HS3ST3A1: variants seen among roughly 807,000 people sequenced by gnomAD.
HS3ST3A1 encodes heparan sulfate glucosamine 3-O-sulfotransferase 3A1.
In HS3ST3A1, 19 loss-of-function variants were observed where a neutral mutation model predicts 25.7. The observed-to-expected ratio is 0.74, with a 90% CI of 0.52 to 1.08. The LOEUF is 1.08. Ranked by LOEUF, HS3ST3A1 falls within the 50% of genes least tolerant of loss-of-function variation. HS3ST3A1 has a pLI of 0.00. For synonymous variants in HS3ST3A1, 226 were observed against 278.6 expected (o/e 0.81, Z 1.88); for missense variants, 459 against 594.3 (o/e 0.77, Z 2.37).
At chr17:13,517,432 G>A (rs1406016779) in intron 1 of HS3ST3A1, among the ~76,000 whole-genome samples, 2 of 152,064 alleles carry the variant, frequency 1.3e-5, no homozygotes, top group Non-Finnish European at 2.9e-5. Flanking sequence ...TTACTATAAG[G>A]GAATGTTTAT....
intron 1 of HS3ST3A1, among the ~76,000 whole-genome samples, chr17:13,550,578 A>G (rs1350261285): frequency 6.6e-6 from 1 of 152,158 alleles, no homozygotes; most frequent in Non-Finnish European, 1.5e-5. Context: ...CTGCATTGTC[A>G]GTTTTATGAG....
In HS3ST3A1 at chr17:13,512,760, TA is replaced by T. The variant is rs202215813; in HGVS notation, c.600-15943del. ...TTAGTATTTTGTTGAAATTAAGGGA[TA>T]AAAAAATAAATTGTACTGCGTAAGT... On this transcript the variant is annotated intron_variant, in intron 1 of 1. Transcript: ENST00000284110. Among the ~76,000 whole-genome samples the T allele has an allele frequency of 4.2e-3, 636 of 152,152 alleles. 6 individuals carry two copies. Among genetic ancestry groups the T allele is most frequent in the African/African-American group, 0.015 (608 of 41,482 alleles).
chr17:13,538,979 A>T (rs1906848826), intron 1 of HS3ST3A1, among the ~76,000 whole-genome samples: 1 of 152,332 alleles, frequency 6.6e-6, no homozygotes, highest in African/African-American at 2.4e-5. Flanking sequence ...CATCTGCTCC[A>T]TGTGATATCA....
chr17:13,502,187 G>A (rs941494882), intron 1 of HS3ST3A1, among the ~76,000 whole-genome samples: 2 of 152,060 alleles, frequency 1.3e-5, no homozygotes, highest in Non-Finnish European at 2.9e-5. Context: ...GAAGTGTTAT[G>A]GTCAAGCAGG....
At chr17:13,543,977 G>A (rs1330103656) in intron 1 of HS3ST3A1, among the ~76,000 whole-genome samples, 2 of 152,062 alleles carry the variant, frequency 1.3e-5, no homozygotes, top group Non-Finnish European at 2.9e-5. Flanking sequence ...CTTCATCTCA[G>A]TTTCCAAAAA....
intron 1 of HS3ST3A1, among the ~76,000 whole-genome samples, chr17:13,539,418 C>T (rs1406200020): frequency 6.6e-6 from 1 of 152,196 alleles, no homozygotes; most frequent in Non-Finnish European, 1.5e-5. Flanking sequence ...TTTTTCTCAA[C>T]CCTAGCGTGG....
chr17:13,529,488 A>T (rs538175978), intron 1 of HS3ST3A1, among the ~76,000 whole-genome samples: 7 of 152,302 alleles, frequency 4.6e-5, no homozygotes, highest in African/African-American at 1.7e-4. Flanking sequence ...ATTCCAAGAA[A>T]CACAGAGTCC....
At chr17:13,501,520 G>C (rs981855562) in intron 1 of HS3ST3A1, among the ~76,000 whole-genome samples, 2 of 152,154 alleles carry the variant, frequency 1.3e-5, no homozygotes, top group Admixed American at 1.3e-4. Flanking sequence ...TGCTAAAAGG[G>C]AAATACAATA....
intron 1 of HS3ST3A1, among the ~76,000 whole-genome samples, chr17:13,512,321 A>AAAAAAAAAC (rs1395357582): frequency 6.2e-4 from 90 of 144,748 alleles, no homozygotes; most frequent in African/African-American, 1.4e-3. Flanking sequence ...AAAAAAAAAA[A>AAAAAAAAAC]AAAAAACTGC....
intron 1 of HS3ST3A1, among the ~76,000 whole-genome samples, chr17:13,572,170 T>C (rs1907833451): frequency 1.3e-5 from 2 of 152,200 alleles, no homozygotes; most frequent in African/African-American, 4.8e-5. Context: ...CTCCTTACCA[T>C]GTCCTTTTTA....
intron 1 of HS3ST3A1, among the ~76,000 whole-genome samples, chr17:13,527,557 C>G (rs1012926942): frequency 1.3e-5 from 2 of 152,096 alleles, no homozygotes; most frequent in Non-Finnish European, 1.5e-5. Flanking sequence ...GTGAAGCCCC[C>G]CTGCTCCCCA....
At position 13,522,627 on chromosome 17, in the gene HS3ST3A1, G is replaced by T. The variant is rs950908732; in HGVS notation, c.600-25809C>A. Among the ~76,000 whole-genome samples, 6 of 152,192 alleles carry T rather than the reference G, an allele frequency of 3.9e-5. No individual in the cohort carries two copies. The South Asian group carries it at 1.2e-3, about 32-fold the overall frequency. On this transcript the variant is annotated intron_variant, in intron 1 of 1. Coordinates refer to ENST00000284110, the MANE Select transcript of HS3ST3A1 (RefSeq NM_006042.3). ...TCAGGAGACAATTATTAAGCAATGT[G>T]TATTTAAATCTCACTTTACAGACAG... is the stretch of plus-strand genomic sequence containing the variant.
At chr17:13,550,804 C>T (rs773868227) in intron 1 of HS3ST3A1, among the ~76,000 whole-genome samples, 4 of 152,148 alleles carry the variant, frequency 2.6e-5, no homozygotes, top group African/African-American at 9.7e-5. Flanking sequence ...CGCAGTGGCT[C>T]ACGCCTGTAA....
At chr17:13,563,799 T>A (rs148297624) in intron 1 of HS3ST3A1, among the ~76,000 whole-genome samples, 37 of 152,318 alleles carry the variant, frequency 2.4e-4, no homozygotes, top group African/African-American at 8.7e-4. Context: ...GAGTATGCGG[T>A]TGCAGCTCCT....
rs1243566124 is a variant in HS3ST3A1, at chr17:13,495,883, T to C, written c.*314A>G. The C allele has an allele frequency of 4.5e-6, 1 of 222,746 alleles. No individual in the cohort carries two copies. The highest frequency in any genetic ancestry group is 8.7e-6 in the Non-Finnish European group (1 of 115,528). 13.8% of individuals were successfully genotyped at this position (222,746 alleles called of 1,614,324 possible). On this transcript the variant is annotated 3_prime_UTR_variant, in exon 2 of 2. Coordinates refer to ENST00000284110, the MANE Select transcript of HS3ST3A1 (RefSeq NM_006042.3). ...TGTATTTTAAAAAAAGAGAGAGAGATGTTTAACCTCAAGATTTTCTGAAAA... is the reference window on the plus strand; with the variant it reads ...TGTATTTTAAAAAAAGAGAGAGAGACGTTTAACCTCAAGATTTTCTGAAAA...
intron 1 of HS3ST3A1, among the ~76,000 whole-genome samples, chr17:13,544,815 G>T (rs970516840): frequency 1.7e-4 from 25 of 151,368 alleles, no homozygotes; most frequent in African/African-American, 5.8e-4. Context: ...ACAACAGAAA[G>T]GAACCCTGAT....
At chr17:13,583,393 A>G (rs1173630337) in intron 1 of HS3ST3A1, among the ~76,000 whole-genome samples, 3 of 152,210 alleles carry the variant, frequency 2.0e-5, no homozygotes, top group Non-Finnish European at 4.4e-5. Context: ...TTTGTTACAT[A>G]TATGCAGAGA....
chr17:13,496,452 C>T lies in HS3ST3A1; in HGVS notation c.966G>A (p.Glu322=). 1 of 1,376,536 alleles carries T rather than the reference C, an allele frequency of 7.3e-7. No individual in the cohort carries two copies. The highest frequency in any genetic ancestry group is 2.1e-5 in the Admixed American group (1 of 46,992). 85.3% of individuals were successfully genotyped at this position (1,376,536 alleles called of 1,614,324 possible). The change falls in exon 2 of 2, where the codon GAG becomes GAA. Residue 322 remains glutamate, a synonymous_variant. Transcript: ENST00000284110. Reference sequence around the variant, plus strand: ...CCAGGAAGTCTTGCACGCGGCCCAGCTCCCCGGCCGGGTCGCTGATGAGCC... The same window carrying T: ...CCAGGAAGTCTTGCACGCGGCCCAGTTCCCCGGCCGGGTCGCTGATGAGCC... The part of the protein sequence containing the change: ...GERLISDPAG[E]LGRVQDFLGL...
chr17:13,537,271 T>C (rs1324970071), intron 1 of HS3ST3A1, among the ~76,000 whole-genome samples: 1 of 152,262 alleles, frequency 6.6e-6, no homozygotes, highest in Non-Finnish European at 1.5e-5. Flanking sequence ...TAGAGTGGAC[T>C]TCATTCACTC....
Sources: allele counts gnomAD v4.1 joint callset (sites outside exome capture counted in the v4.1 genomes callset), GRCh38; gene constraint gnomAD v4.1.1; transcripts MANE v1.5; gene names NCBI Gene and HGNC (gene_info 2026-07-23, HGNC 2026-07-21).